Variants in NARF observed in about 807,000 individuals in gnomAD.
NARF encodes iron-only hydrogenase-like protein 2.
NARF carries 41 observed loss-of-function variants against 48.0 expected under a neutral mutation model. That is an observed-to-expected ratio of 0.85 (90% CI 0.66 to 1.11). NARF has a LOEUF of 1.11. Ranked by LOEUF, NARF falls within the 50% of genes least tolerant of loss-of-function variation. The pLI, the probability that NARF is intolerant of heterozygous loss-of-function variation, is 0.00. For missense variants in NARF, 613 were observed against 590.2 expected (o/e 1.04, Z -0.40); for synonymous variants, 215 against 225.5 (o/e 0.95, Z 0.42).
intron 10 of NARF, 128 bp from the exon 11 acceptor site, chr17:82,487,788 C>CCAACA: frequency 3.9e-6 from 3 of 759,776 alleles, no homozygotes; most frequent in Non-Finnish European, 6.2e-6. Context: ...CCCTCCCGCC[C>CCAACA]AATCTCTACA....
At chr17:82,464,823 G>C (rs1599819887) in intron 3 of NARF, among the ~76,000 whole-genome samples, 1 of 152,190 alleles carries the variant, frequency 6.6e-6, no homozygotes, top group East Asian at 1.9e-4. Flanking sequence ...AGACCGATCA[G>C]CTTGGGGCAA....
intron 1 of NARF, 139 bp downstream of exon 1, chr17:82,458,969 C>T: frequency 8.2e-6 from 10 of 1,219,062 alleles, no homozygotes; most frequent in Non-Finnish European, 1.0e-5. Context: ...ACCCTGGGCC[C>T]GCTCGGCGTG....
rs1048576509 is a variant in NARF at position 82,481,748 on chromosome 17, A to G, written c.769+537A>G. On this transcript the variant is annotated intron_variant, in intron 7 of 10. Transcript: ENST00000309794. ...TTTGTCTCAAAAAAAAAAAAAAAAG[A>G]TAAATCAGGTCCTGGGAGAACCACT... The G allele has an allele frequency of 3.1e-4, 132 of 429,726 alleles. 1 individual carries two copies. Among genetic ancestry groups the G allele is most frequent in the South Asian group, 2.1e-3 (128 of 60,166 alleles). 26.6% of individuals were successfully genotyped at this position (429,726 alleles called of 1,614,324 possible). A position where few individuals can be genotyped will look rare whatever the true frequency, so the allele number is the denominator to read the frequency against.
intron 5 of NARF, among the ~76,000 whole-genome samples, chr17:82,478,264 G>A (rs2043879069): frequency 6.6e-6 from 1 of 152,182 alleles, no homozygotes; most frequent in Non-Finnish European, 1.5e-5. Context: ...CAGATTGTGC[G>A]GGCATGTAGT....
intron 7 of NARF, among the ~76,000 whole-genome samples, chr17:82,481,644 C>T (rs577689665): frequency 1.3e-4 from 19 of 151,686 alleles, no homozygotes; most frequent in Non-Finnish European, 2.4e-4. Flanking sequence ...GCAGGAGAAT[C>T]GCTTGAACCC....
intron 10 of NARF, 121 bp from the exon 11 acceptor site, chr17:82,487,795 T>TAAGA: frequency 2.3e-6 from 1 of 444,398 alleles, no homozygotes; most frequent in Non-Finnish European, 4.1e-6. Context: ...GCCCAATCTC[T>TAAGA]ACAAAAAATT....
chr17:82,474,773 T>C (rs995112308), intron 5 of NARF, among the ~76,000 whole-genome samples: 5 of 152,226 alleles, frequency 3.3e-5, no homozygotes, highest in South Asian at 4.1e-4. Flanking sequence ...ATTTACCATC[T>C]GTTCCATGGG....
chr17:82,468,740 A>AT, intron 3 of NARF, 24 bp from the exon 4 acceptor site: 1 of 1,612,140 alleles, frequency 6.2e-7, no homozygotes, highest in East Asian at 2.2e-5. Flanking sequence ...GCAGATACCT[A>AT]ACATTCTCTA....
At position 82,488,221 on chromosome 17, in the gene NARF, G is replaced by A; in HGVS notation, c.*64G>A. 1 of 1,575,688 alleles carries A rather than the reference G, an allele frequency of 6.3e-7. No homozygotes were observed. ...GCCAAGAGCCTCTCAGTAGAGGGAG[G>A]GGCTGCCCTGAGTGGAGTATTAAAG... On this transcript the variant is annotated 3_prime_UTR_variant, in exon 11 of 11. Transcript: ENST00000309794.
rs185705905 is a variant in NARF at position 82,481,026 on chromosome 17, C to T, written c.640-56C>T. The T allele has an allele frequency of 6.8e-4, 1,091 of 1,610,056 alleles. 3 individuals carry two copies. The highest frequency in any genetic ancestry group is 6.0e-3 in the African/African-American group (452 of 74,874). On this transcript the variant is annotated intron_variant, in intron 6 of 10. Coordinates refer to ENST00000309794, the MANE Select transcript of NARF (RefSeq NM_012336.4). ...CATCCCTCTTGTTCTGGGCACCAAG[C>T]GTAAGCTGCCGTCACCTCTTCACCA...
intron 4 of NARF, among the ~76,000 whole-genome samples, chr17:82,471,507 C>T (rs1379700227): frequency 3.4e-5 from 5 of 145,372 alleles, no homozygotes; most frequent in Non-Finnish European, 3.0e-5. Flanking sequence ...TAAAAGTATG[C>T]CCTTGCCGGG....
At position 82,478,783 on chromosome 17, in the gene NARF, A is replaced by T. The variant is rs758382017; in HGVS notation, c.521-17A>T. 1 of 1,609,192 alleles carries T rather than the reference A, an allele frequency of 6.2e-7. No individual in the cohort carries two copies. The highest frequency in any genetic ancestry group is 1.1e-5 in the South Asian group (1 of 90,852). ...GGAAGCAGTAAGGAGCTGACCGTGG[A>T]TCCCTTCTCTCCCCAGGCTGGGTCC... On this transcript the variant is annotated splice_polypyrimidine_tract_variant and intron_variant, in intron 5 of 10. Transcript: ENST00000309794.
rs149761866 is a variant in NARF, at chr17:82,489,983, G to T, written c.*1826G>T. The T allele has an allele frequency of 6.6e-6, 1 of 152,328 alleles. No individual in the cohort carries two copies. The highest frequency in any genetic ancestry group is 2.1e-4 in the South Asian group (1 of 4,826). 9.4% of individuals were successfully genotyped at this position (152,328 alleles called of 1,614,324 possible). On this transcript the variant is annotated 3_prime_UTR_variant, in exon 11 of 11. Transcript: ENST00000309794. ...GCTGGGATTACAGGCGCGCGCCACC[G>T]CGCCTGGCTAATTGTATTCTTAGTT...
At position 82,488,385 on chromosome 17, in the gene NARF, T is replaced by C; in HGVS notation, c.*228T>C. 1 of 599,432 alleles carries C rather than the reference T, an allele frequency of 1.7e-6. No individual in the cohort carries two copies. Among genetic ancestry groups the C allele is most frequent in the Non-Finnish European group, 2.7e-6 (1 of 375,212 alleles). 37.1% of individuals were successfully genotyped at this position (599,432 alleles called of 1,614,324 possible). ...GGGATTGGAACTTTTTTTTTCTTTT[T>C]TTTTTTTTGAGACGGAGTCTCACTC... is the stretch of plus-strand genomic sequence containing the variant. On this transcript the variant is annotated 3_prime_UTR_variant, in exon 11 of 11. Coordinates refer to ENST00000309794, the MANE Select transcript of NARF (RefSeq NM_012336.4).
chr17:82,470,928 C>T (rs529952628), intron 4 of NARF, among the ~76,000 whole-genome samples: 2 of 151,706 alleles, frequency 1.3e-5, no homozygotes, highest in Non-Finnish European at 2.9e-5. Context: ...TTTGGGAGGC[C>T]GAGGGGGCAG....
chr17:82,463,993 CA>C (rs1271375716), intron 2 of NARF: 2 of 314,326 alleles, frequency 6.4e-6, no homozygotes. Context: ...TTCCAGAACA[CA>C]GGGGTCATTT....
chr17:82,469,709 G>T (rs2043653685), intron 4 of NARF, among the ~76,000 whole-genome samples: 1 of 152,114 alleles, frequency 6.6e-6, no homozygotes, highest in Admixed American at 6.6e-5. Flanking sequence ...GGGTTCAAGA[G>T]ATTCTCCTGC....
chr17:82,480,939 AAAAAAAAAAAG>A lies in NARF; in HGVS notation c.640-141_640-131del. ...GAGCAAGACTCCATTTCAAAAAAAA[AAAAAAAAAAAG>A]AGTGCAGCATGCAGTGTCTGGAGGG... On this transcript the variant is annotated intron_variant, in intron 6 of 10. Transcript: ENST00000309794. 5.6e-6 allele frequency: 6 copies of A among 1,077,236 alleles called. No homozygotes were observed. The African/African-American group carries it at 9.8e-5, about 18-fold the overall frequency. 66.7% of individuals were successfully genotyped at this position (1,077,236 alleles called of 1,614,324 possible). A position where few individuals can be genotyped will look rare whatever the true frequency, so the allele number is the denominator to read the frequency against.
At chr17:82,487,688 G>A (rs1414640996) in intron 10 of NARF, among the ~76,000 whole-genome samples, 3 of 152,180 alleles carry the variant, frequency 2.0e-5, no homozygotes, top group Admixed American at 6.5e-5. Context: ...GCTGGGTGCG[G>A]TGGCTCACGC....
Sources: gnomAD v4.1 joint callset for allele counts (sites outside exome capture counted in the v4.1 genomes callset) on GRCh38, gnomAD v4.1.1 for gene constraint, MANE v1.5 for transcripts, NCBI Gene and HGNC (gene_info 2026-07-23, HGNC 2026-07-21) for gene names.